The following DSG3 variants were observed in gnomAD, a reference collection of about 807,000 sequenced individuals.
DSG3 encodes the protein desmoglein-3.
A neutral mutation model predicts 85.9 loss-of-function variants in DSG3; 63 were observed. The ratio of observed to expected loss-of-function variants is 0.73; its 90% CI spans 0.60 to 0.90. DSG3 has a LOEUF of 0.90. DSG3 is among the 40% of genes least tolerant of loss of function. DSG3 has a pLI of 0.00. For missense variants in DSG3, 1,220 were observed against 1,219.9 expected (o/e 1.00, Z 0.00); for synonymous variants, 447 against 441.9 (o/e 1.01, Z -0.14).
At position 31,459,142 on chromosome 18, in the gene DSG3, T is replaced by C; in HGVS notation, c.482T>C (p.Ile161Thr). 5.6e-6 allele frequency: 9 copies of C among 1,612,944 alleles called. No individual in the cohort carries two copies. In the African/African-American group the frequency reaches 8.0e-5, roughly 14 times the overall value. Reference protein sequence around the residue: ...NDNPPVFSQQIFMGEIEENSA... With the variant: ...NDNPPVFSQQTFMGEIEENSA... ...AATCCTCCAGTATTTTCACAACAAATTTTCATGGGTGAAATTGAAGAAAAT... is the reference window on the plus strand; with the variant it reads ...AATCCTCCAGTATTTTCACAACAAACTTTCATGGGTGAAATTGAAGAAAAT... Residue 161 changes from isoleucine to threonine, a missense_variant, in exon 5 of 16, where the codon ATT becomes ACT. Transcript: ENST00000257189.
rs1459742231 is a variant in DSG3, at chr18:31,461,290, T to G, written c.877T>G (p.Leu293Val). ...ATTACTTCGATTTCAAGTAACAGATTTGGATGAAGAGTACACAGATAATTG... is the reference window on the plus strand; with the variant it reads ...ATTACTTCGATTTCAAGTAACAGATGTGGATGAAGAGTACACAGATAATTG... ...SELLRFQVTD[L>V]DEEYTDNWLA... Residue 293 changes from leucine to valine, a missense_variant, in exon 8 of 16, where the codon TTG becomes GTG. Leu to Val is a conservative substitution (Grantham distance 32). Coordinates refer to ENST00000257189, the MANE Select transcript of DSG3 (RefSeq NM_001944.3). 1 of 1,613,600 alleles carries G rather than the reference T, an allele frequency of 6.2e-7. No homozygotes were observed.
At position 31,447,893 on chromosome 18, in the gene DSG3, C is replaced by T; in HGVS notation, c.16C>T (p.Pro6Ser). 6.3e-7 allele frequency: 1 copy of T among 1,590,880 alleles called. No homozygotes were observed. The highest frequency in any genetic ancestry group is 8.5e-7 in the Non-Finnish European group (1 of 1,170,222). Residue 6 changes from proline to serine, a missense_variant, in exon 1 of 16, where the codon CCC becomes TCC. Physicochemically the swap from Pro to Ser is moderately conservative, Grantham distance 74. Coordinates refer to ENST00000257189, the MANE Select transcript of DSG3 (RefSeq NM_001944.3). MMGLF[P>S]RTTGALAIFV... ...ATCAGAGACAATGATGGGGCTCTTC[C>T]CCAGAACTACAGGGGCTCTGGCCAT...
intron 1 of DSG3, among the ~76,000 whole-genome samples, chr18:31,449,490 A>T (rs888262107): frequency 1.3e-5 from 2 of 152,060 alleles, no homozygotes; most frequent in Non-Finnish European, 2.9e-5. Context: ...CTAATTTGAC[A>T]TATAGGACAC....
chr18:31,471,969 T>C (rs891935887), intron 12 of DSG3, among the ~76,000 whole-genome samples: 1 of 152,140 alleles, frequency 6.6e-6, no homozygotes. Flanking sequence ...ATCATAAAAA[T>C]GTATTAAGGA....
chr18:31,450,802 T>G (rs535790200), intron 1 of DSG3, among the ~76,000 whole-genome samples: 6 of 152,352 alleles, frequency 3.9e-5, no homozygotes, highest in African/African-American at 1.4e-4. Flanking sequence ...TAAAAAGTGC[T>G]GTGAGAAAGA....
intron 12 of DSG3, among the ~76,000 whole-genome samples, chr18:31,470,647 AC>A (rs569202603): frequency 3.5e-4 from 54 of 152,352 alleles, no homozygotes; most frequent in African/African-American, 1.2e-3. Context: ...GGGGAAAAAT[AC>A]CATGATAAAG....
chr18:31,470,546 A>G (rs2072849529), intron 12 of DSG3, among the ~76,000 whole-genome samples: 1 of 152,244 alleles, frequency 6.6e-6, no homozygotes, highest in Non-Finnish European at 1.5e-5. Context: ...TTCAAGAACC[A>G]GAAATTTTTA....
chr18:31,466,838 G>A (rs1387837308), intron 11 of DSG3, 84 bp downstream of exon 11: 32 of 1,265,110 alleles, frequency 2.5e-5, no homozygotes, highest in Admixed American at 5.9e-5. Context: ...TTAAGAGCAG[G>A]TCCTTCCAAA....
At chr18:31,448,658 A>AAAG (rs2072693212) in intron 1 of DSG3, among the ~76,000 whole-genome samples, 1 of 150,726 alleles carries the variant, frequency 6.6e-6, no homozygotes, top group South Asian at 2.1e-4. Flanking sequence ...CTTATAGCAA[A>AAAG]AAAAAAAAAA....
chr18:31,450,994 G>A (rs59351433), intron 1 of DSG3, among the ~76,000 whole-genome samples: 1,857 of 152,124 alleles, frequency 0.012, 25 homozygotes, highest in African/African-American at 0.042. Flanking sequence ...AACAGTTGTC[G>A]TATCAATTTT....
Position 31,475,873 on chromosome 18 carries a change from G to GC in DSG3, c.2615dup (p.Pro873ThrfsTer3). 1 of 1,614,178 alleles carries GC rather than the reference G, an allele frequency of 6.2e-7. No homozygotes were observed. Among genetic ancestry groups the GC allele is most frequent in the South Asian group, 1.1e-5 (1 of 91,082 alleles). ...TTGATGGTGAAGGCAAAGAAGTTCAGCCACCCTCTAAAGACAGCGGTTATG... is the reference window on the plus strand; with the variant it reads ...TTGATGGTGAAGGCAAAGAAGTTCAGCCCACCCTCTAAAGACAGCGGTTATG... On this transcript the variant is annotated frameshift_variant, in exon 16 of 16. Coordinates refer to ENST00000257189, the MANE Select transcript of DSG3 (RefSeq NM_001944.3). LOFTEE classifies it low-confidence loss of function (END_TRUNC).
At chr18:31,457,983 TA>T (rs2072759694) in intron 3 of DSG3, among the ~76,000 whole-genome samples, 1 of 152,170 alleles carries the variant, frequency 6.6e-6, no homozygotes, top group Non-Finnish European at 1.5e-5. Context: ...TAAAAAGCTT[TA>T]AAATTACAAT....
intron 13 of DSG3, 125 bp from the exon 14 acceptor site, chr18:31,472,600 T>A (rs1034707500): frequency 7.9e-7 from 1 of 1,272,870 alleles, no homozygotes; most frequent in Non-Finnish European, 1.1e-6. Flanking sequence ...GAAATGGTTA[T>A]CGCTGAAAGA....
At position 31,459,985 on chromosome 18, in the gene DSG3, A is replaced by G; in HGVS notation, c.658A>G (p.Thr220Ala). The change falls in exon 6 of 16, where the codon ACT becomes GCT. Residue 220 changes from threonine to alanine, a missense_variant. By Grantham distance (58) the Thr-to-Ala change is moderately conservative. Transcript: ENST00000257189. ...LLSRNTGEVR[T>A]LTNSLDREQA... ...AAGCAGAAACACTGGGGAAGTCCGT[A>G]CTTTGACCAATTCTCTTGACCGAGA... 6.2e-7 allele frequency: 1 copy of G among 1,613,988 alleles called. No homozygotes were observed. The highest frequency in any genetic ancestry group is 2.2e-5 in the East Asian group (1 of 44,876).
intron 12 of DSG3, among the ~76,000 whole-genome samples, chr18:31,471,525 C>T (rs2072855412): frequency 6.6e-6 from 1 of 152,144 alleles, no homozygotes; most frequent in Non-Finnish European, 1.5e-5. Context: ...AGAGTTGAAA[C>T]ATTAGGATTC....
At chr18:31,468,250 C>T (rs1440969898) in intron 11 of DSG3, among the ~76,000 whole-genome samples, 1 of 152,164 alleles carries the variant, frequency 6.6e-6, no homozygotes, top group African/African-American at 2.4e-5. Context: ...CTGCAGCTCA[C>T]GGGATAAGAA....
At chr18:31,461,960 C>G (rs76687013) in intron 8 of DSG3, among the ~76,000 whole-genome samples, 3 of 152,270 alleles carry the variant, frequency 2.0e-5, no homozygotes, top group African/African-American at 7.2e-5. Flanking sequence ...ATGACAGACT[C>G]CTTATCTGAG....
At position 31,469,275 on chromosome 18, in the gene DSG3, A is replaced by G. The variant is rs910887530; in HGVS notation, c.1823A>G (p.Tyr608Cys). Residue 608 changes from tyrosine (Y) to cysteine (C), a missense_variant, in exon 12 of 16, where the codon TAT becomes TGT. Transcript: ENST00000257189. ...SYPTTSPGTRYGRPHSGRLGP... is the reference protein window; with the variant it reads ...SYPTTSPGTRCGRPHSGRLGP... ...CCAACCACAAGCCCTGGGACCAGGTATGGCAGGCCGCACTCAGGGAGGCTG... is the reference window on the plus strand; with the variant it reads ...CCAACCACAAGCCCTGGGACCAGGTGTGGCAGGCCGCACTCAGGGAGGCTG... 50 of 1,613,984 alleles carry G rather than the reference A, an allele frequency of 3.1e-5. No individual in the cohort carries two copies. The highest frequency in any genetic ancestry group is 4.2e-5 in the Non-Finnish European group (49 of 1,180,024).
chr18:31,466,838 G>T, intron 11 of DSG3, 84 bp downstream of exon 11: 4 of 1,265,110 alleles, frequency 3.2e-6, no homozygotes, highest in Non-Finnish European at 4.5e-6. Flanking sequence ...TTAAGAGCAG[G>T]TCCTTCCAAA....
Sources: gnomAD v4.1 joint callset for allele counts (sites outside exome capture counted in the v4.1 genomes callset) on GRCh38, gnomAD v4.1.1 for gene constraint, MANE v1.5 for transcripts, NCBI Gene and HGNC (gene_info 2026-07-23, HGNC 2026-07-21) for gene names.